Variants in THEMIS observed in about 807,000 individuals in gnomAD.
The protein encoded by THEMIS is protein THEMIS.
A neutral mutation model predicts 52.6 loss-of-function variants in THEMIS; 37 were observed. That is an observed-to-expected ratio of 0.70 (90% CI 0.54 to 0.93). The LOEUF (loss-of-function observed/expected upper bound fraction) is 0.93. THEMIS is among the 40% of genes least tolerant of loss of function. The pLI is 0.00. For synonymous variants in THEMIS, 292 were observed against 272.7 expected, an observed-to-expected ratio of 1.07 and a Z score of -0.70; for missense variants, 808 against 763.1, an observed-to-expected ratio of 1.06 and a Z score of -0.69.
At chr6:127,862,058 C>T (rs1779821147) in intron 1 of THEMIS, among the ~76,000 whole-genome samples, 1 of 152,168 alleles carries the variant, frequency 6.6e-6, no homozygotes, top group African/African-American at 2.4e-5. Flanking sequence ...TAAGTGCAAA[C>T]ATATGATCAC....
Position 127,829,445 on chromosome 6 carries a change from T to A in THEMIS, c.709+31A>T, listed in dbSNP as rs375701919. 3.9e-6 allele frequency: 6 copies of A among 1,536,356 alleles called. No homozygotes were observed. In the African/African-American group the frequency reaches 8.3e-5, roughly 21 times the overall value. On this transcript the variant is annotated intron_variant, in intron 3 of 5. Coordinates refer to ENST00000368248, the MANE Select transcript of THEMIS (RefSeq NM_001010923.3). Reference sequence around the variant, plus strand: ...TTCCCAAACCCCATAATGCTCATGCTCATAGAACATCATTCTCAGTGGATA... The same window carrying A: ...TTCCCAAACCCCATAATGCTCATGCACATAGAACATCATTCTCAGTGGATA...
chr6:127,880,416 G>A (rs1041360919), intron 1 of THEMIS, among the ~76,000 whole-genome samples: 1 of 151,774 alleles, frequency 6.6e-6, no homozygotes, highest in Non-Finnish European at 1.5e-5. Flanking sequence ...AGATAGATGG[G>A]TTAGGACAAC....
chr6:127,748,226 A>G (rs936533100), intron 4 of THEMIS, among the ~76,000 whole-genome samples: 2 of 152,044 alleles, frequency 1.3e-5, no homozygotes, highest in Non-Finnish European at 2.9e-5. Context: ...CTGAGACTGG[A>G]TAATTTAGAA....
intron 5 of THEMIS, among the ~76,000 whole-genome samples, chr6:127,717,927 A>G (rs1242728676): frequency 6.6e-6 from 1 of 151,696 alleles, no homozygotes. Context: ...CATTAGAAAG[A>G]GGAGAAAGCT....
intron 4 of THEMIS, among the ~76,000 whole-genome samples, chr6:127,729,074 A>T (rs567514241): frequency 1.3e-4 from 19 of 151,508 alleles, no homozygotes; most frequent in Non-Finnish European, 2.4e-4. Context: ...GCATATTAAC[A>T]ACTTTCTCAC....
intron 1 of THEMIS, among the ~76,000 whole-genome samples, chr6:127,917,209 TCCTCA>T (rs1781545052): frequency 6.6e-6 from 1 of 152,304 alleles, no homozygotes; most frequent in Non-Finnish European, 1.5e-5. Context: ...AATGGGTTGG[TCCTCA>T]ACACAACCTG....
chr6:127,856,748 G>C (rs1021425150), intron 1 of THEMIS, among the ~76,000 whole-genome samples: 1 of 151,610 alleles, frequency 6.6e-6, no homozygotes, highest in Admixed American at 6.6e-5. Flanking sequence ...TCATATTTTC[G>C]TTAACTTTAA....
At chr6:127,714,739 C>A (rs1328190787) in intron 5 of THEMIS, among the ~76,000 whole-genome samples, 1 of 151,908 alleles carries the variant, frequency 6.6e-6, no homozygotes, top group Non-Finnish European at 1.5e-5. Context: ...CATCCCCCAG[C>A]ACCTCATGGA....
At chr6:127,719,968 C>G in intron 4 of THEMIS, 145 bp from the exon 5 acceptor site, 1 of 1,059,510 alleles carries the variant, frequency 9.4e-7, no homozygotes, top group Non-Finnish European at 1.3e-6. Flanking sequence ...ATTATATGTT[C>G]ATCAATATAT....
At chr6:127,731,333 G>T (rs1583209174) in intron 4 of THEMIS, among the ~76,000 whole-genome samples, 1 of 151,996 alleles carries the variant, frequency 6.6e-6, no homozygotes, top group South Asian at 2.1e-4. Flanking sequence ...ATGCTTCTTT[G>T]TGTATTTCAT....
intron 5 of THEMIS, among the ~76,000 whole-genome samples, chr6:127,714,471 A>G (rs1774090507): frequency 6.6e-6 from 1 of 151,920 alleles, no homozygotes; most frequent in Non-Finnish European, 1.5e-5. Context: ...GCCATAAAAA[A>G]TCAGGCAATG....
intron 4 of THEMIS, among the ~76,000 whole-genome samples, chr6:127,737,460 A>T (rs1775047844): frequency 6.6e-6 from 1 of 152,202 alleles, no homozygotes; most frequent in Non-Finnish European, 1.5e-5. Flanking sequence ...TGTGTTTCTT[A>T]AAGCAGAGCC....
intron 2 of THEMIS, among the ~76,000 whole-genome samples, chr6:127,853,973 G>A (rs1218777807): frequency 1.3e-5 from 2 of 151,598 alleles, no homozygotes. Context: ...AAGAACACAA[G>A]TATACTTCCA....
At chr6:127,907,994 C>G (rs780861936) in intron 1 of THEMIS, among the ~76,000 whole-genome samples, 2 of 151,974 alleles carry the variant, frequency 1.3e-5, no homozygotes, top group Non-Finnish European at 2.9e-5. Context: ...TCCTACTATA[C>G]ACAACAATTT....
chr6:127,872,901 A>T (rs1282565521), intron 1 of THEMIS, among the ~76,000 whole-genome samples: 1 of 152,198 alleles, frequency 6.6e-6, no homozygotes. Context: ...AAGGAATCTA[A>T]AAAAACAAAA....
At chr6:127,911,553 A>G (rs1026644968) in intron 1 of THEMIS, among the ~76,000 whole-genome samples, 1 of 151,364 alleles carries the variant, frequency 6.6e-6, no homozygotes, top group Admixed American at 6.6e-5. Flanking sequence ...ACACACACAT[A>G]TAAATATTTC....
intron 4 of THEMIS, among the ~76,000 whole-genome samples, chr6:127,733,831 T>C (rs1774892818): frequency 6.6e-6 from 1 of 152,088 alleles, no homozygotes; most frequent in Admixed American, 6.5e-5. Flanking sequence ...AAAGACTATA[T>C]CTAGTATATA....
At chr6:127,833,566 C>A (rs1778771960) in intron 2 of THEMIS, among the ~76,000 whole-genome samples, 1 of 152,162 alleles carries the variant, frequency 6.6e-6, no homozygotes, top group Non-Finnish European at 1.5e-5. Context: ...CTTACAAGGA[C>A]ATTGCTCATG....
chr6:127,855,646 T>C (rs1317566368), intron 1 of THEMIS, among the ~76,000 whole-genome samples: 1 of 151,948 alleles, frequency 6.6e-6, no homozygotes, highest in Non-Finnish European at 1.5e-5. Context: ...GTCATATTTA[T>C]TTATTAGATC....
Sources: allele counts gnomAD v4.1 joint callset (sites outside exome capture counted in the v4.1 genomes callset), GRCh38; gene constraint gnomAD v4.1.1; transcripts MANE v1.5; gene names NCBI Gene and HGNC (gene_info 2026-07-23, HGNC 2026-07-21).